CNTNAP2: variants seen among roughly 807,000 people sequenced by gnomAD.
CNTNAP2 encodes contactin-associated protein-like 2.
Under a neutral mutation model 155.2 loss-of-function variants are expected in CNTNAP2, and 98 were observed. The ratio of observed to expected loss-of-function variants is 0.63; its 90% confidence interval spans 0.54 to 0.75. The LOEUF (loss-of-function observed/expected upper bound fraction) is 0.75, where lower values mean the gene tolerates loss of function less well. Ranked by LOEUF, CNTNAP2 falls within the 30% of genes least tolerant of loss-of-function variation. CNTNAP2 has a pLI of 0.00. For synonymous variants in CNTNAP2, 651 were observed against 631.2 expected (o/e 1.03, Z -0.47); for missense variants, 1,727 against 1,688.1 (o/e 1.02, Z -0.40).
chr7:146,954,402 T>C (rs1009079108), intron 3 of CNTNAP2, among the ~76,000 whole-genome samples: 1 of 151,860 alleles, frequency 6.6e-6, no homozygotes, highest in Non-Finnish European at 1.5e-5. Context: ...ATGAAAAAAG[T>C]CTGTGCATAT....
chr7:146,910,932 C>G (rs1796260615), intron 3 of CNTNAP2, among the ~76,000 whole-genome samples: 1 of 151,126 alleles, frequency 6.6e-6, no homozygotes, highest in Admixed American at 6.6e-5. Context: ...TATCCAGAAT[C>G]TGCAATGAAC....
At chr7:147,711,645 G>A (rs1036671834) in intron 13 of CNTNAP2, among the ~76,000 whole-genome samples, 1 of 152,156 alleles carries the variant, frequency 6.6e-6, no homozygotes, top group Admixed American at 6.6e-5. Flanking sequence ...TATACAAAAT[G>A]TCTCATGACC....
At chr7:148,127,147 A>G (rs992672640) in intron 16 of CNTNAP2, among the ~76,000 whole-genome samples, 3 of 152,206 alleles carry the variant, frequency 2.0e-5, no homozygotes, top group African/African-American at 7.2e-5. Flanking sequence ...TCTACTAAAA[A>G]TACAAAAATT....
At chr7:147,490,130 T>C (rs568425332) in intron 11 of CNTNAP2, among the ~76,000 whole-genome samples, 2 of 152,310 alleles carry the variant, frequency 1.3e-5, no homozygotes, top group Non-Finnish European at 2.9e-5. Context: ...GCAGATCTTT[T>C]TATTAAAGGA....
At chr7:146,304,885 C>A (rs1463550947) in intron 1 of CNTNAP2, among the ~76,000 whole-genome samples, 1 of 152,090 alleles carries the variant, frequency 6.6e-6, no homozygotes, top group African/African-American at 2.4e-5. Context: ...GTTCCATTCT[C>A]CCCCTCACTT....
chr7:147,314,400 C>G (rs1428637044), intron 9 of CNTNAP2, among the ~76,000 whole-genome samples: 3 of 151,732 alleles, frequency 2.0e-5, no homozygotes, highest in African/African-American at 7.2e-5. Flanking sequence ...ATCTTTCTAT[C>G]TCATTCACTG....
intron 13 of CNTNAP2, among the ~76,000 whole-genome samples, chr7:147,852,887 A>G (rs1429539172): frequency 6.6e-6 from 1 of 152,152 alleles, no homozygotes; most frequent in Admixed American, 6.6e-5. Context: ...TGCTGCTGTC[A>G]TCCTCTCTCT....
chr7:148,192,794 A>C (rs901004330), intron 18 of CNTNAP2, among the ~76,000 whole-genome samples: 1 of 152,306 alleles, frequency 6.6e-6, no homozygotes, highest in African/African-American at 2.4e-5. Context: ...CAATTCCTTT[A>C]GCTCTATTTC....
At chr7:146,488,275 TCCTC>T (rs1235706711) in intron 1 of CNTNAP2, among the ~76,000 whole-genome samples, 774 of 28,404 alleles carry the variant, frequency 0.027, 3 homozygotes, top group Non-Finnish European at 0.032. Context: ...TCCCCTCCCC[TCCTC>T]CCTCCCTCCC....
At chr7:146,885,568 T>C (rs1795638704) in intron 3 of CNTNAP2, among the ~76,000 whole-genome samples, 1 of 152,182 alleles carries the variant, frequency 6.6e-6, no homozygotes, top group Non-Finnish European at 1.5e-5. Flanking sequence ...TACATGATAA[T>C]TATAGTTAAT....
intron 8 of CNTNAP2, among the ~76,000 whole-genome samples, chr7:147,286,538 A>G (rs1805183167): frequency 6.6e-6 from 1 of 152,128 alleles, no homozygotes; most frequent in Non-Finnish European, 1.5e-5. Context: ...AAATGAAATG[A>G]TAATATATGC....
chr7:146,119,005 G>T (rs974695724), intron 1 of CNTNAP2, among the ~76,000 whole-genome samples: 21 of 151,988 alleles, frequency 1.4e-4, no homozygotes, highest in African/African-American at 4.3e-4. Context: ...GAGTTTCATG[G>T]ATTCAGTACT....
At chr7:146,785,698 A>G (rs1482927982) in intron 2 of CNTNAP2, among the ~76,000 whole-genome samples, 1 of 152,224 alleles carries the variant, frequency 6.6e-6, no homozygotes, top group African/African-American at 2.4e-5. Flanking sequence ...CATCATAAAT[A>G]AACTAGAAAT....
chr7:147,033,836 G>A (rs926822244), intron 3 of CNTNAP2, among the ~76,000 whole-genome samples: 1 of 151,378 alleles, frequency 6.6e-6, no homozygotes, highest in African/African-American at 2.4e-5. Context: ...CTTGATACAG[G>A]CAAACTCCCA....
chr7:146,948,828 T>C (rs1584742394), intron 3 of CNTNAP2, among the ~76,000 whole-genome samples: 1 of 152,144 alleles, frequency 6.6e-6, no homozygotes, highest in African/African-American at 2.4e-5. Flanking sequence ...GACACAGATG[T>C]TGGGCCTCAT....
At chr7:148,341,742 T>A (rs1249860085) in intron 21 of CNTNAP2, among the ~76,000 whole-genome samples, 3 of 152,244 alleles carry the variant, frequency 2.0e-5, no homozygotes, top group Non-Finnish European at 4.4e-5. Context: ...GTGGCTTTGA[T>A]GTTCTCTCAC....
intron 11 of CNTNAP2, among the ~76,000 whole-genome samples, chr7:147,498,848 A>G (rs1798759695): frequency 6.6e-6 from 1 of 152,190 alleles, no homozygotes; most frequent in Admixed American, 6.5e-5. Flanking sequence ...TTAAGATGAA[A>G]TAAATGAATA....
intron 11 of CNTNAP2, among the ~76,000 whole-genome samples, chr7:147,515,474 T>C (rs886994340): frequency 2.6e-5 from 4 of 151,878 alleles, no homozygotes; most frequent in Non-Finnish European, 2.9e-5. Flanking sequence ...AGGCTTGTGA[T>C]ACCATGCCCA....
At chr7:146,938,969 A>G (rs1014404809) in intron 3 of CNTNAP2, among the ~76,000 whole-genome samples, 9 of 152,132 alleles carry the variant, frequency 5.9e-5, no homozygotes, top group African/African-American at 1.2e-4. Context: ...TAGTGCAGAA[A>G]GACATTGTCA....
Sources: allele counts gnomAD v4.1 joint callset (sites outside exome capture counted in the v4.1 genomes callset), GRCh38; gene constraint gnomAD v4.1.1; transcripts MANE v1.5; gene names NCBI Gene and HGNC (gene_info 2026-07-23, HGNC 2026-07-21).